Variants in CPVL observed in about 807,000 individuals in gnomAD.
CPVL encodes carboxypeptidase vitellogenic like, also known as probable serine carboxypeptidase CPVL.
CPVL carries 51 observed loss-of-function variants against 63.7 expected under a neutral mutation model. The observed-to-expected ratio is 0.80, with a 90% CI of 0.64 to 1.01. The LOEUF (loss-of-function observed/expected upper bound fraction) is 1.01. Ranked by LOEUF, CPVL falls within the 50% of genes least tolerant of loss-of-function variation. The pLI is 0.00. For missense variants in CPVL, 530 were observed against 573.1 expected, an observed-to-expected ratio of 0.92 and a Z score of 0.77; for synonymous variants, 195 against 206.0, an observed-to-expected ratio of 0.95 and a Z score of 0.46.
rs1794970187 is a variant in CPVL at position 29,160,064 on chromosome 7, A to ATTT, written c.-11+21225_-11+21226insAAA. 2.6e-5 allele frequency among the ~76,000 whole-genome samples: 4 copies of ATTT among 152,276 alleles called. No individual in the cohort carries two copies. The South Asian group carries it at 8.3e-4, about 32-fold the overall frequency. On this transcript the variant is annotated intron_variant, in intron 5 of 16. Coordinates refer to the CPVL transcript ENST00000409850. Reference sequence around the variant, plus strand: ...TCTTCATTATTATCTTGCCTCACTAAAAGTTAAACATTGTGTCCTTCTGGC... The same window carrying ATTT: ...TCTTCATTATTATCTTGCCTCACTAATTTAAGTTAAACATTGTGTCCTTCTGGC...
At chr7:29,155,245 G>A (rs1188685698) in intron 5 of CPVL, among the ~76,000 whole-genome samples, 1 of 151,988 alleles carries the variant, frequency 6.6e-6, no homozygotes, top group Non-Finnish European at 1.5e-5. Flanking sequence ...CTAAACTTGG[G>A]TTGCACCATT....
At chr7:29,030,780 C>A in intron 11 of CPVL, 21 bp from the exon 12 acceptor site, 1 of 1,583,116 alleles carries the variant, frequency 6.3e-7, no homozygotes, top group Non-Finnish European at 8.6e-7. Context: ...ATCAAGCCAT[C>A]AGCAAATGCA....
intron 2 of CPVL, among the ~76,000 whole-genome samples, chr7:29,120,449 AT>A (rs1371542527): frequency 6.9e-6 from 1 of 145,122 alleles, no homozygotes; most frequent in African/African-American, 2.8e-5. Flanking sequence ...AACAAACAAA[AT>A]ATATATATAT....
In CPVL at chr7:29,064,215, T is replaced by A. The variant is rs1198796027; in HGVS notation, c.983A>T (p.Tyr328Phe). Residue 328 changes from tyrosine to phenylalanine, a missense_variant, in exon 11 of 13, where the codon TAC becomes TTC. Transcript: ENST00000265394. ...LRCTEPEDQL[Y>F]YVKFLSLPEV... ...TGGGAGTGACAAAAATTTCACATAG[T>A]AAAGCTGATCCTCAGGTTCCTGGCA... The A allele has an allele frequency of 2.5e-6, 4 of 1,612,180 alleles. No homozygotes were observed. The highest frequency in any genetic ancestry group is 3.4e-6 in the Non-Finnish European group (4 of 1,178,644).
At chr7:29,007,136 A>G (rs1269869403) in intron 12 of CPVL, among the ~76,000 whole-genome samples, 6 of 152,326 alleles carry the variant, frequency 3.9e-5, no homozygotes, top group African/African-American at 1.4e-4. Context: ...TCAATAGATG[A>G]TTAAAAACCA....
intron 1 of CPVL, among the ~76,000 whole-genome samples, chr7:29,130,563 C>A (rs544197721): frequency 6.6e-6 from 1 of 152,154 alleles, no homozygotes; most frequent in Admixed American, 6.5e-5. Flanking sequence ...TATTCTTAGA[C>A]AAGCCCTAAG....
intron 1 of CPVL, among the ~76,000 whole-genome samples, chr7:29,132,314 C>A (rs1383192014): frequency 2.0e-5 from 3 of 152,132 alleles, no homozygotes; most frequent in Admixed American, 2.0e-4. Context: ...CAGGCTCGTG[C>A]TGGGTATTGA....
intron 1 of CPVL, chr7:29,193,170 T>C (rs1783119200): frequency 6.6e-6 from 1 of 152,076 alleles, no homozygotes; most frequent in Admixed American, 6.5e-5. Context: ...GACTGAAGAG[T>C]GCTCACACTC....
At chr7:29,102,657 G>A (rs943654844) in intron 3 of CPVL, among the ~76,000 whole-genome samples, 16 of 152,078 alleles carry the variant, frequency 1.1e-4, no homozygotes, top group African/African-American at 2.2e-4. Context: ...GGGTCGGCCC[G>A]CGGGTCCCAC....
At chr7:29,148,095 C>T (rs372325788), upstream of CPVL, among the ~76,000 whole-genome samples, 1 of 152,210 alleles carries the variant, frequency 6.6e-6, no homozygotes, top group Non-Finnish European at 1.5e-5. Flanking sequence ...CAGCAATGTT[C>T]GCCCATGGGA....
At chr7:29,023,408 A>G (rs1183943440) in intron 12 of CPVL, among the ~76,000 whole-genome samples, 2 of 152,208 alleles carry the variant, frequency 1.3e-5, no homozygotes, top group Non-Finnish European at 2.9e-5. Context: ...CTTACTCACT[A>G]TCACGAGAAT....
At chr7:29,011,232 A>G (rs1785795185) in intron 12 of CPVL, 2 of 152,222 alleles carry the variant, frequency 1.3e-5, no homozygotes, top group Admixed American at 6.5e-5. Flanking sequence ...ACAGTCTCCT[A>G]TGACTGTCTG....
At chr7:29,039,851 C>T (rs1398129772) in intron 11 of CPVL, among the ~76,000 whole-genome samples, 14 of 152,088 alleles carry the variant, frequency 9.2e-5, no homozygotes, top group Admixed American at 1.3e-4. Flanking sequence ...CATTTTTAGA[C>T]GAAAGATTTA....
At chr7:29,160,928 C>T (rs1795090356) in intron 5 of CPVL, among the ~76,000 whole-genome samples, 1 of 152,190 alleles carries the variant, frequency 6.6e-6, no homozygotes, top group South Asian at 2.1e-4. Context: ...TTATAAATAT[C>T]TGTCACCCCT....
rs535663848 is a variant in CPVL at position 29,064,161 on chromosome 7, T to C, written c.1037A>G (p.Asn346Ser). 1 of 1,612,474 alleles carries C rather than the reference T, an allele frequency of 6.2e-7. No homozygotes were observed. The highest frequency in any genetic ancestry group is 1.7e-5 in the Admixed American group (1 of 60,014). ...PEVRQAIHVG[N>S]QTFNDGTIVE... ...TATAGTTCCATCATTAAAAGTCTGA[T>C]TCCCCACGTGGATGGCTTGTCTCAC... The change falls in exon 11 of 13, where the codon AAT becomes AGT. Residue 346 changes from asparagine (N) to serine (S), a missense_variant. Coordinates refer to ENST00000265394, the MANE Select transcript of CPVL (RefSeq NM_031311.5).
chr7:28,999,806 G>C (rs939279802), intron 12 of CPVL, among the ~76,000 whole-genome samples: 12 of 152,160 alleles, frequency 7.9e-5, no homozygotes, highest in African/African-American at 2.9e-4. Context: ...CCCAAACAAA[G>C]CATATTCTTA....
intron 2 of CPVL, among the ~76,000 whole-genome samples, chr7:29,115,822 A>G (rs1195320867): frequency 6.6e-6 from 1 of 152,206 alleles, no homozygotes; most frequent in African/African-American, 2.4e-5. Flanking sequence ...GGAATGGAAC[A>G]GAGGAAAGGA....
chr7:29,047,605 G>C (rs1015592892), intron 11 of CPVL, among the ~76,000 whole-genome samples: 3 of 152,138 alleles, frequency 2.0e-5, no homozygotes, highest in African/African-American at 7.2e-5. Context: ...GAAAAGTTTG[G>C]AAAAGAGATT....
intron 1 of CPVL, among the ~76,000 whole-genome samples, chr7:29,125,392 T>C (rs1456270999): frequency 1.5e-5 from 2 of 136,702 alleles, no homozygotes; most frequent in Admixed American, 7.2e-5. Context: ...TCCCGTCTTT[T>C]TTTTTTTTTT....
Sources: allele counts gnomAD v4.1 joint callset (sites outside exome capture counted in the v4.1 genomes callset), GRCh38; gene constraint gnomAD v4.1.1; transcripts MANE v1.5; gene names NCBI Gene and HGNC (gene_info 2026-07-23, HGNC 2026-07-21).